FNDC3A: variants seen among roughly 807,000 people sequenced by gnomAD.
FNDC3A encodes fibronectin type III domain containing 3A.
In FNDC3A, 32 loss-of-function variants were observed where a neutral mutation model predicts 148.9. The ratio of observed to expected loss-of-function variants is 0.21; its 90% CI spans 0.16 to 0.29. The LOEUF is 0.29. FNDC3A is among the 10% of genes least tolerant of loss of function. FNDC3A has a pLI of 1.00. For missense variants in FNDC3A, 1,191 were observed against 1,452.8 expected (o/e 0.82, Z 2.93); for synonymous variants, 472 against 473.6 (o/e 1.00, Z 0.04).
At chr13:49,053,494 A>G (rs1025263696) in intron 2 of FNDC3A, among the ~76,000 whole-genome samples, 4 of 152,108 alleles carry the variant, frequency 2.6e-5, no homozygotes, top group African/African-American at 9.7e-5. Flanking sequence ...ATGGTTTTCC[A>G]TGTTTTAGGG....
chr13:49,088,450 G>A lies in FNDC3A; in HGVS notation c.175+13086G>A, dbSNP rs1278209004. Among the ~76,000 whole-genome samples the A allele has an allele frequency of 2.6e-5, 4 of 152,054 alleles. No individual in the cohort carries two copies. The East Asian group carries it at 5.8e-4, about 22-fold the overall frequency. ...AATCCATAACAGTAGTAACTATTGT[G>A]ATCATATACTACTACTACTTCTAGA... On this transcript the variant is annotated intron_variant, in intron 3 of 25. Coordinates refer to ENST00000492622, the MANE Select transcript of FNDC3A (RefSeq NM_001079673.2).
At chr13:49,172,212 T>A in intron 11 of FNDC3A, 116 bp downstream of exon 11, 1 of 620,434 alleles carries the variant, frequency 1.6e-6, no homozygotes, top group Non-Finnish European at 2.8e-6. Context: ...AAAGTATGAA[T>A]GATTTTGTGT....
chr13:49,063,498 T>C (rs1877041090), intron 2 of FNDC3A, among the ~76,000 whole-genome samples: 1 of 152,226 alleles, frequency 6.6e-6, no homozygotes, highest in Non-Finnish European at 1.5e-5. Flanking sequence ...TTGCCCTGAA[T>C]GTAGACTCCA....
intron 8 of FNDC3A, among the ~76,000 whole-genome samples, chr13:49,148,290 C>G (rs1883104689): frequency 6.6e-6 from 1 of 152,076 alleles, no homozygotes. Context: ...TTTGCTTAAA[C>G]CAGTGTCCTG....
At position 49,155,386 on chromosome 13, in the gene FNDC3A, T is replaced by G. The variant is rs1042556505; in HGVS notation, c.977+9451T>G. 5.7e-5 allele frequency among the ~76,000 whole-genome samples: 8 copies of G among 139,694 alleles called. 1 individual carries two copies. In the South Asian group the frequency reaches 8.7e-4, roughly 15 times the overall value. 91.6% of individuals were successfully genotyped at this position (139,694 alleles called of 152,430 possible). ...GATATCCCCTTTATCATTTTTTTTGTGTGTCTATTTGATTCTTCTCTCTTT... is the reference window on the plus strand; with the variant it reads ...GATATCCCCTTTATCATTTTTTTTGGGTGTCTATTTGATTCTTCTCTCTTT... On this transcript the variant is annotated intron_variant, in intron 8 of 25. Transcript: ENST00000492622.
In FNDC3A at chr13:49,119,839, G is replaced by A. The variant is rs147895396; in HGVS notation, c.252+5108G>A. On this transcript the variant is annotated intron_variant, in intron 4 of 25. Transcript: ENST00000492622. The stretch of plus-strand genomic sequence containing the variant: ...AAGCCTCCAAGAAATATGGGACTAT[G>A]TGAAAAGTCCAAACCTATGTTTGAT... Among the ~76,000 whole-genome samples the A allele has an allele frequency of 2.4e-4, 36 of 152,232 alleles. No homozygotes were observed. The East Asian group carries it at 4.8e-3, about 20-fold the overall frequency.
intron 2 of FNDC3A, among the ~76,000 whole-genome samples, chr13:49,058,331 T>A (rs1025019562): frequency 5.3e-5 from 8 of 152,132 alleles, no homozygotes; most frequent in African/African-American, 1.2e-4. Flanking sequence ...GTGCTTTTTT[T>A]ATGCAAATAA....
chr13:49,009,820 G>A (rs934459187), intron 2 of FNDC3A, among the ~76,000 whole-genome samples: 1 of 152,114 alleles, frequency 6.6e-6, no homozygotes, highest in African/African-American at 2.4e-5. Flanking sequence ...CCTTCCAAAA[G>A]GATTGAATAC....
intron 5 of FNDC3A, among the ~76,000 whole-genome samples, chr13:49,135,389 G>A (rs955296131): frequency 6.6e-6 from 1 of 152,016 alleles, no homozygotes; most frequent in African/African-American, 2.4e-5. Context: ...TTGATTGCTT[G>A]TGTTTTTGGT....
chr13:49,027,759 A>C (rs1873825653), intron 2 of FNDC3A, among the ~76,000 whole-genome samples: 1 of 152,188 alleles, frequency 6.6e-6, no homozygotes, highest in African/African-American at 2.4e-5. Flanking sequence ...CATATTTAAC[A>C]TAAAAAAGGC....
At position 49,168,761 on chromosome 13, in the gene FNDC3A, T is replaced by C. The variant is rs1307018272; in HGVS notation, c.1176+10T>C. On this transcript the variant is annotated intron_variant, in intron 10 of 25. Transcript: ENST00000492622. Reference sequence around the variant, plus strand: ...CACTTTGCAATGGAAGGTAAGAATATTCTTTAGGGTGTTTCCAACTGGACA... The same window carrying C: ...CACTTTGCAATGGAAGGTAAGAATACTCTTTAGGGTGTTTCCAACTGGACA... 6.2e-7 allele frequency: 1 copy of C among 1,611,530 alleles called. No individual in the cohort carries two copies. Among genetic ancestry groups the C allele is most frequent in the East Asian group, 2.2e-5 (1 of 44,770 alleles).
rs189573897 is a variant in FNDC3A, at chr13:49,151,847, C to T, written c.977+5912C>T. ...TGCGGTGTTTGGTTTTCTGTCCTTGCGATAGTTTGCTCAGAATGATGGTTT... is the reference window on the plus strand; with the variant it reads ...TGCGGTGTTTGGTTTTCTGTCCTTGTGATAGTTTGCTCAGAATGATGGTTT... On this transcript the variant is annotated intron_variant, in intron 8 of 25. Transcript: ENST00000492622. Among the ~76,000 whole-genome samples the T allele has an allele frequency of 6.0e-4, 91 of 152,212 alleles. 1 individual carries two copies. Among genetic ancestry groups the T allele is most frequent in the Non-Finnish European group, 7.6e-4 (52 of 68,026 alleles).
At chr13:49,095,025 CT>C (rs1879434693) in intron 3 of FNDC3A, among the ~76,000 whole-genome samples, 1 of 151,902 alleles carries the variant, frequency 6.6e-6, no homozygotes, top group Non-Finnish European at 1.5e-5. Context: ...GGAGGTTTTT[CT>C]TCTTTATACT....
chr13:49,176,577 C>T (rs745307282), intron 13 of FNDC3A, among the ~76,000 whole-genome samples: 1 of 152,038 alleles, frequency 6.6e-6, no homozygotes, highest in Non-Finnish European at 1.5e-5. Context: ...CACATGTATA[C>T]CTATGTAACA....
At chr13:49,100,295 A>G (rs1485997521) in intron 3 of FNDC3A, among the ~76,000 whole-genome samples, 3 of 152,116 alleles carry the variant, frequency 2.0e-5, no homozygotes, top group African/African-American at 7.2e-5. Context: ...ATGTATTTTT[A>G]ATGATTTTTA....
At chr13:49,039,801 G>A (rs1874784410) in intron 2 of FNDC3A, among the ~76,000 whole-genome samples, 1 of 151,978 alleles carries the variant, frequency 6.6e-6, no homozygotes, top group African/African-American at 2.4e-5. Flanking sequence ...TGCAACCTTC[G>A]CCTCCCGGAT....
intron 1 of FNDC3A, among the ~76,000 whole-genome samples, chr13:48,991,369 C>T (rs1951912787): frequency 6.6e-6 from 1 of 151,850 alleles, no homozygotes; most frequent in African/African-American, 2.4e-5. Flanking sequence ...ATTAAGAGGG[C>T]ATGCAATTAT....
At chr13:49,197,659 A>G (rs1258850031) in intron 20 of FNDC3A, 66 bp from the exon 21 acceptor site, 1 of 1,409,732 alleles carries the variant, frequency 7.1e-7, no homozygotes, top group Admixed American at 2.4e-5. Context: ...GGTAAAGAGC[A>G]TTTTTGGCCA....
At chr13:49,158,303 C>T (rs1458121364) in intron 8 of FNDC3A, among the ~76,000 whole-genome samples, 1 of 152,228 alleles carries the variant, frequency 6.6e-6, no homozygotes, top group Non-Finnish European at 1.5e-5. Flanking sequence ...TCTGTCACCC[C>T]TTTCTTTGAC....
Sources: gnomAD v4.1 joint callset for allele counts (sites outside exome capture counted in the v4.1 genomes callset) on GRCh38, gnomAD v4.1.1 for gene constraint, MANE v1.5 for transcripts, NCBI Gene and HGNC (gene_info 2026-07-23, HGNC 2026-07-21) for gene names.